The following UNC13C variants were observed in gnomAD, a reference collection of about 807,000 sequenced individuals.
UNC13C encodes the protein unc-13 homolog C.
A neutral mutation model predicts 245.4 loss-of-function variants in UNC13C; 174 were observed. The ratio of observed to expected loss-of-function variants is 0.71; its 90% CI spans 0.63 to 0.80. The LOEUF (loss-of-function observed/expected upper bound fraction) is 0.80. UNC13C is among the 30% of genes least tolerant of loss of function. UNC13C has a pLI of 0.00. For synonymous variants in UNC13C, 992 were observed against 895.1 expected, an observed-to-expected ratio of 1.11 and a Z score of -1.93; for missense variants, 2,829 against 2,602.9, an observed-to-expected ratio of 1.09 and a Z score of -1.89.
At chr15:54,382,750 A>C (rs937573013) in intron 17 of UNC13C, among the ~76,000 whole-genome samples, 4 of 152,136 alleles carry the variant, frequency 2.6e-5, no homozygotes, top group African/African-American at 9.7e-5. Context: ...AAAGAAACCA[A>C]TGCAAAAGTT....
intron 4 of UNC13C, among the ~76,000 whole-genome samples, chr15:54,231,827 C>A (rs2035561901): frequency 6.6e-6 from 1 of 152,052 alleles, no homozygotes; most frequent in African/African-American, 2.4e-5. Context: ...CTTCATCTGA[C>A]TTCTTGTTCA....
At chr15:54,358,772 G>A (rs929463368) in intron 17 of UNC13C, among the ~76,000 whole-genome samples, 1 of 151,928 alleles carries the variant, frequency 6.6e-6, no homozygotes, top group Non-Finnish European at 1.5e-5. Flanking sequence ...GGGATAATTT[G>A]ACTTTCTCCT....
chr15:54,008,518 A>G (rs1033028928), intron 1 of UNC13C, among the ~76,000 whole-genome samples: 3 of 152,158 alleles, frequency 2.0e-5, no homozygotes, highest in Non-Finnish European at 4.4e-5. Context: ...AAAGTCTTAA[A>G]TCTTATCCCT....
intron 14 of UNC13C, among the ~76,000 whole-genome samples, chr15:54,325,198 T>C (rs919719013): frequency 6.6e-6 from 1 of 151,924 alleles, no homozygotes; most frequent in Non-Finnish European, 1.5e-5. Flanking sequence ...ATGATAATAA[T>C]AAATGAAAAA....
intron 17 of UNC13C, among the ~76,000 whole-genome samples, chr15:54,383,561 A>G (rs2039773115): frequency 6.6e-6 from 1 of 152,148 alleles, no homozygotes; most frequent in African/African-American, 2.4e-5. Flanking sequence ...CGCTAACATC[A>G]TACTGAAGGG....
chr15:54,624,084 A>T, intron 32 of UNC13C, 130 bp downstream of exon 32: 1 of 1,130,226 alleles, frequency 8.8e-7, no homozygotes, highest in Non-Finnish European at 1.3e-6. Flanking sequence ...CCTTCCATTC[A>T]TTCAATATCT....
intron 4 of UNC13C, among the ~76,000 whole-genome samples, chr15:54,164,971 C>A (rs1414890089): frequency 6.6e-6 from 1 of 152,080 alleles, no homozygotes; most frequent in Non-Finnish European, 1.5e-5. Flanking sequence ...AAAACAAAAT[C>A]ACTTGTAAAA....
chr15:54,592,485 G>A (rs1395220390), intron 30 of UNC13C, among the ~76,000 whole-genome samples: 1 of 152,194 alleles, frequency 6.6e-6, no homozygotes, highest in Non-Finnish European at 1.5e-5. Flanking sequence ...TCCAGTGTTA[G>A]CTGTATATAT....
At position 54,516,065 on chromosome 15, in the gene UNC13C, T is replaced by C. The variant is rs1411486158; in HGVS notation, c.5457+4235T>C. The stretch of plus-strand genomic sequence containing the variant: ...CGCTTTTAATTTTTAATGACAAATT[T>C]GATGTGTCAACTAGAAATTGCATCT... On this transcript the variant is annotated intron_variant, in intron 24 of 32. Transcript: ENST00000260323. Among the ~76,000 whole-genome samples the C allele has an allele frequency of 2.0e-5, 3 of 152,204 alleles. No homozygotes were observed. The East Asian group carries it at 5.8e-4, about 29-fold the overall frequency.
chr15:54,415,908 C>T (rs1225803229), intron 19 of UNC13C, among the ~76,000 whole-genome samples: 3 of 152,124 alleles, frequency 2.0e-5, no homozygotes, highest in African/African-American at 2.4e-5. Context: ...GGCAGGCTTA[C>T]TATGGGAACT....
upstream of UNC13C, among the ~76,000 whole-genome samples, chr15:53,976,510 C>A (rs966248965): frequency 1.4e-5 from 1 of 70,022 alleles, no homozygotes; most frequent in African/African-American, 4.0e-5. Context: ...CTTGCTCTGT[C>A]GCCCAGGCTG....
the UNC13C span, among the ~76,000 whole-genome samples, chr15:53,871,648 G>A: frequency 6.6e-6 from 1 of 152,152 alleles, no homozygotes. Context: ...GAGGTGAGGA[G>A]GGGGCAGCAA....
chr15:54,144,779 C>G (rs920290932), intron 4 of UNC13C, among the ~76,000 whole-genome samples: 5 of 152,032 alleles, frequency 3.3e-5, no homozygotes, highest in African/African-American at 1.2e-4. Context: ...AAAATTATTT[C>G]TAATTCATAA....
At chr15:54,047,281 T>C (rs1897080003) in intron 2 of UNC13C, among the ~76,000 whole-genome samples, 1 of 152,012 alleles carries the variant, frequency 6.6e-6, no homozygotes, top group Admixed American at 6.6e-5. Flanking sequence ...ATTTACCATT[T>C]TAACCACGTT....
At chr15:54,326,569 G>A (rs2038302644) in intron 14 of UNC13C, among the ~76,000 whole-genome samples, 1 of 151,976 alleles carries the variant, frequency 6.6e-6, no homozygotes, top group South Asian at 2.1e-4. Context: ...AAGGTAAAGT[G>A]ATTTGCCATT....
At chr15:54,153,085 CTTAT>C (rs1269435267) in intron 4 of UNC13C, among the ~76,000 whole-genome samples, 1 of 144,912 alleles carries the variant, frequency 6.9e-6, no homozygotes, top group Admixed American at 6.7e-5. Flanking sequence ...TTACTCACTT[CTTAT>C]TTAAAGCAAC....
chr15:54,209,931 ATATTT>A (rs1315440107), intron 4 of UNC13C, among the ~76,000 whole-genome samples: 1 of 152,150 alleles, frequency 6.6e-6, no homozygotes, highest in African/African-American at 2.4e-5. Context: ...AGATGTTAAC[ATATTT>A]TATTTAAGGT....
chr15:54,462,442 G>C (rs1891896810), intron 19 of UNC13C, among the ~76,000 whole-genome samples: 1 of 152,186 alleles, frequency 6.6e-6, no homozygotes, highest in Non-Finnish European at 1.5e-5. Flanking sequence ...TCTGTTTGCA[G>C]GGAGGTGTGG....
intron 1 of UNC13C, among the ~76,000 whole-genome samples, chr15:54,003,317 A>G (rs1342422321): frequency 6.6e-6 from 1 of 152,226 alleles, no homozygotes; most frequent in African/African-American, 2.4e-5. Flanking sequence ...AAGCCAGGGT[A>G]CCTGTATTCT....
Sources: gnomAD v4.1 joint callset for allele counts (sites outside exome capture counted in the v4.1 genomes callset) on GRCh38, gnomAD v4.1.1 for gene constraint, MANE v1.5 for transcripts, NCBI Gene and HGNC (gene_info 2026-07-23, HGNC 2026-07-21) for gene names.